Variants in AEBP2 observed in about 807,000 individuals in gnomAD.
AEBP2 encodes zinc finger protein AEBP2.
In AEBP2, 10 loss-of-function variants were observed where a neutral mutation model predicts 50.8. The observed-to-expected ratio is 0.20, with a 90% confidence interval of 0.12 to 0.33. The LOEUF is 0.33. Among genes scored for constraint, AEBP2 ranks in the 10% least tolerant of loss-of-function variants. The pLI is 1.00. For missense variants in AEBP2, 570 were observed against 688.0 expected (o/e 0.83, Z 1.92); for synonymous variants, 296 against 261.3 (o/e 1.13, Z -1.28).
At chr12:19,406,920 C>A (rs543553685) in intron 1 of AEBP2, among the ~76,000 whole-genome samples, 4 of 152,226 alleles carry the variant, frequency 2.6e-5, no homozygotes, top group Non-Finnish European at 5.9e-5. Flanking sequence ...ATGTGGATGT[C>A]CAGTTGTTCA....
rs754445302 is a variant in AEBP2, at chr12:19,440,152, T to A, written c.453T>A (p.Asp151Glu). The A allele has an allele frequency of 2.4e-4, 358 of 1,497,930 alleles. No homozygotes were observed. Among genetic ancestry groups the A allele is most frequent in the Non-Finnish European group, 2.3e-4 (262 of 1,131,292 alleles). 92.8% of individuals were successfully genotyped at this position (1,497,930 alleles called of 1,614,324 possible). ...SPGAASSSSG[D>E]GDGKEGLEEP... ...GCGCCGCCAGCAGCAGCAGCGGGGA[T>A]GGGGACGGCAAGGAGGGCCTGGAGG... Residue 151 changes from aspartate (D) to glutamate (E), a missense_variant, in exon 1 of 8, where the codon GAT becomes GAA. Asp to Glu is a conservative substitution (Grantham distance 45). Transcript: ENST00000266508.
chr12:19,511,435 C>T (rs1311918708), intron 5 of AEBP2, among the ~76,000 whole-genome samples: 2 of 152,154 alleles, frequency 1.3e-5, no homozygotes, highest in South Asian at 4.1e-4. Context: ...CATGAAATAG[C>T]TGAGGCCTAG....
At chr12:19,473,197 T>C in intron 2 of AEBP2, 51 bp from the exon 3 acceptor site, 1 of 879,164 alleles carries the variant, frequency 1.1e-6, no homozygotes, top group Non-Finnish European at 1.6e-6. Context: ...GGAATCAAAC[T>C]CTTCTTGAGA....
intron 1 of AEBP2, among the ~76,000 whole-genome samples, chr12:19,445,365 G>A (rs191365858): frequency 1.2e-4 from 15 of 129,588 alleles, no homozygotes; most frequent in East Asian, 8.7e-4. Flanking sequence ...TGCCCTGCTC[G>A]TTTTCTTTTT....
intron 6 of AEBP2, among the ~76,000 whole-genome samples, chr12:19,513,481 G>A (rs1376398628): frequency 6.6e-6 from 1 of 152,134 alleles, no homozygotes; most frequent in South Asian, 2.1e-4. Context: ...CCAATGGCTG[G>A]GCGCAGTGGT....
At chr12:19,466,019 T>C (rs1948467020) in intron 2 of AEBP2, among the ~76,000 whole-genome samples, 1 of 151,960 alleles carries the variant, frequency 6.6e-6, no homozygotes, top group Non-Finnish European at 1.5e-5. Context: ...CTCGAACTCC[T>C]GATCTCAGGA....
chr12:19,442,512 GA>G (rs1431701566), intron 1 of AEBP2, among the ~76,000 whole-genome samples: 1 of 152,188 alleles, frequency 6.6e-6, no homozygotes, highest in Non-Finnish European at 1.5e-5. Flanking sequence ...TTAGGAAGTG[GA>G]GTTGTGGCTT....
At chr12:19,430,771 CTCTG>C (rs775837619) in intron 1 of AEBP2, among the ~76,000 whole-genome samples, 266 of 152,176 alleles carry the variant, frequency 1.7e-3, no homozygotes, top group Non-Finnish European at 2.9e-3. Context: ...TGATTTGGCT[CTCTG>C]TCTGTGTGTT....
intron 3 of AEBP2, among the ~76,000 whole-genome samples, chr12:19,489,629 T>C (rs1308613137): frequency 6.6e-6 from 1 of 152,152 alleles, no homozygotes; most frequent in African/African-American, 2.4e-5. Flanking sequence ...ATATAAAACA[T>C]ATTTGAAAAC....
chr12:19,508,631 A>G (rs575336873), intron 5 of AEBP2, among the ~76,000 whole-genome samples: 2 of 152,308 alleles, frequency 1.3e-5, no homozygotes, highest in South Asian at 2.1e-4. Flanking sequence ...AAAGGAAAAT[A>G]TATTGCTTTT....
At chr12:19,509,868 T>C (rs554369870) in intron 5 of AEBP2, among the ~76,000 whole-genome samples, 24 of 148,400 alleles carry the variant, frequency 1.6e-4, no homozygotes, top group African/African-American at 5.5e-4. Context: ...TCACTCACTT[T>C]GTTGCTTGGA....
At chr12:19,439,452 G>T (rs927770065), upstream of AEBP2, among the ~76,000 whole-genome samples, 3 of 151,392 alleles carry the variant, frequency 2.0e-5, no homozygotes, top group Non-Finnish European at 3.0e-5. Flanking sequence ...ACCCGCAGCC[G>T]GGGGAGGTGC....
At chr12:19,456,160 T>C in intron 1 of AEBP2, 1 of 948,688 alleles carries the variant, frequency 1.1e-6, no homozygotes, top group Non-Finnish European at 1.6e-6. Context: ...ACTACTAAAC[T>C]TAAATGGCCA....
chr12:19,413,958 A>G (rs1328887690), intron 1 of AEBP2, among the ~76,000 whole-genome samples: 1 of 150,844 alleles, frequency 6.6e-6, no homozygotes, highest in Non-Finnish European at 1.5e-5. Flanking sequence ...CAGCGCCGCC[A>G]TCTCAGCTCA....
chr12:19,504,288 G>A (rs1222785121), intron 5 of AEBP2, among the ~76,000 whole-genome samples: 2 of 151,494 alleles, frequency 1.3e-5, no homozygotes, highest in African/African-American at 2.4e-5. Context: ...AGGCTGGAGT[G>A]CAGTGGCGCG....
intron 3 of AEBP2, among the ~76,000 whole-genome samples, chr12:19,473,925 G>A (rs1467456009): frequency 6.6e-6 from 1 of 152,020 alleles, no homozygotes; most frequent in African/African-American, 2.4e-5. Context: ...AATAGCTAGT[G>A]GGTAGACTAA....
At chr12:19,488,897 C>T (rs1470049291) in intron 3 of AEBP2, among the ~76,000 whole-genome samples, 2 of 152,128 alleles carry the variant, frequency 1.3e-5, no homozygotes, top group Admixed American at 6.5e-5. Flanking sequence ...TCAAGCTATT[C>T]TCCTGCTTCA....
chr12:19,471,874 T>G (rs543315461), intron 2 of AEBP2, among the ~76,000 whole-genome samples: 41 of 152,304 alleles, frequency 2.7e-4, no homozygotes, highest in African/African-American at 8.9e-4. Flanking sequence ...CCTACATTTA[T>G]TTTTAAAAGT....
intron 2 of AEBP2, among the ~76,000 whole-genome samples, chr12:19,463,761 C>T (rs1358979818): frequency 1.4e-5 from 2 of 144,778 alleles, no homozygotes; most frequent in African/African-American, 5.1e-5. Context: ...GCAGCCTCTG[C>T]CCCAAGTGAT....
Sources: allele counts gnomAD v4.1 joint callset (sites outside exome capture counted in the v4.1 genomes callset), GRCh38; gene constraint gnomAD v4.1.1; transcripts MANE v1.5; gene names NCBI Gene and HGNC (gene_info 2026-07-23, HGNC 2026-07-21).